The following SLC1A6 variants were observed in gnomAD, a reference collection of about 807,000 sequenced individuals.
The protein encoded by SLC1A6 is excitatory amino acid transporter 4.
A neutral mutation model predicts 42.1 loss-of-function variants in SLC1A6; 15 were observed. The ratio of observed to expected loss-of-function variants is 0.36; its 90% CI spans 0.24 to 0.55. SLC1A6 has a LOEUF of 0.55. Among genes scored for constraint, SLC1A6 ranks in the 20% least tolerant of loss-of-function variants. SLC1A6 has a pLI of 0.88. For synonymous variants in SLC1A6, 317 were observed against 319.7 expected (o/e 0.99, Z 0.09); for missense variants, 542 against 772.5 (o/e 0.70, Z 3.54).
chr19:14,975,004 A>T (rs1259299489), intron 1 of SLC1A6: 2 of 150,950 alleles, frequency 1.3e-5, no homozygotes, highest in Non-Finnish European at 2.9e-5. Flanking sequence ...CACCCACCCT[A>T]AAAAAATTAA....
At chr19:14,954,089 C>A in intron 8 of SLC1A6, 46 bp downstream of exon 8, 1 of 1,406,870 alleles carries the variant, frequency 7.1e-7, no homozygotes, top group Non-Finnish European at 9.8e-7. Context: ...AAGCTGATGA[C>A]CGCTTAAGTC....
In SLC1A6 at chr19:14,963,298, G is replaced by A. The variant is rs974524014; in HGVS notation, c.592-953C>T. Among the ~76,000 whole-genome samples, 6 of 152,302 alleles carry A rather than the reference G, an allele frequency of 3.9e-5. No homozygotes were observed. The South Asian group carries it at 1.0e-3, about 26-fold the overall frequency. ...AATAGAATAGTGCTTACCAGGGACTGGGGAGCAGGGAAATTGGGGAGATGT... is the reference window on the plus strand; with the variant it reads ...AATAGAATAGTGCTTACCAGGGACTAGGGAGCAGGGAAATTGGGGAGATGT... On this transcript the variant is annotated intron_variant, in intron 5 of 9. Coordinates refer to ENST00000594383, the MANE Select transcript of SLC1A6 (RefSeq NM_005071.3).
chr19:14,997,813 A>T (rs1034501809), intron 1 of SLC1A6, among the ~76,000 whole-genome samples: 2 of 152,200 alleles, frequency 1.3e-5, no homozygotes, highest in Non-Finnish European at 1.5e-5. Flanking sequence ...GTCTGAAATC[A>T]AGGTGTTGGT....
chr19:14,956,694 G>A lies in SLC1A6; in HGVS notation c.951C>T (p.Gly317=), dbSNP rs1181441269. The change falls in exon 7 of 10, where the codon GGC becomes GGT. Residue 317 remains glycine, a synonymous_variant. Coordinates refer to ENST00000594383, the MANE Select transcript of SLC1A6 (RefSeq NM_005071.3). ...VGIIIWYAPV[G]ILFLIAGKIL... is the part of the protein sequence containing the mutation. Reference sequence around the variant, plus strand: ...TCTTCCCAGCAATCAGGAACAGGATGCCCACAGGTGCATACCTGTGTGAGG... The same window carrying A: ...TCTTCCCAGCAATCAGGAACAGGATACCCACAGGTGCATACCTGTGTGAGG... 3.1e-6 allele frequency: 5 copies of A among 1,611,466 alleles called. No homozygotes were observed. The highest frequency in any genetic ancestry group is 1.7e-5 in the Admixed American group (1 of 59,920).
At chr19:15,010,198 GAAAGA>G (rs2045919147) in intron 1 of SLC1A6, among the ~76,000 whole-genome samples, 1 of 61,772 alleles carries the variant, frequency 1.6e-5, no homozygotes, top group Admixed American at 2.0e-4. Context: ...AAAAAAAAAA[GAAAGA>G]AAGAAAAAAG....
At chr19:14,968,114 TG>T (rs34489581) in intron 4 of SLC1A6, among the ~76,000 whole-genome samples, 188 bp downstream of exon 4, 51,026 of 151,944 alleles carry the variant, frequency 0.34, 8,775 homozygotes, top group African/African-American at 0.38. Flanking sequence ...TGAATATGCA[TG>T]TTTAGCCAAC....
At chr19:15,009,283 T>TCA (rs1386932771) in intron 1 of SLC1A6, among the ~76,000 whole-genome samples, 70 of 149,992 alleles carry the variant, frequency 4.7e-4, no homozygotes, top group African/African-American at 1.6e-3. Context: ...TCTATAAATA[T>TCA]CATATATATG....
intron 1 of SLC1A6, among the ~76,000 whole-genome samples, chr19:15,007,380 G>A (rs2145246786): frequency 6.6e-6 from 1 of 152,292 alleles, no homozygotes; most frequent in East Asian, 1.9e-4. Flanking sequence ...ACCAGGAGCT[G>A]AGGGGACAGG....
chr19:14,984,939 T>C (rs887007971), intron 1 of SLC1A6, among the ~76,000 whole-genome samples: 1 of 152,192 alleles, frequency 6.6e-6, no homozygotes, highest in Non-Finnish European at 1.5e-5. Context: ...TGGAGTGCAG[T>C]GGTGTGATCT....
chr19:14,973,715 C>G (rs943488223), intron 1 of SLC1A6: 18 of 152,624 alleles, frequency 1.2e-4, no homozygotes, highest in African/African-American at 4.1e-4. Context: ...CAGCTGCATA[C>G]GGAGCCCTAG....
At chr19:14,973,726 A>T (rs1039327217) in intron 1 of SLC1A6, 3 of 152,500 alleles carry the variant, frequency 2.0e-5, no homozygotes, top group African/African-American at 7.2e-5. Context: ...GGAGCCCTAG[A>T]CAAAGCACCC....
chr19:14,958,257 A>C (rs956638352), intron 6 of SLC1A6, among the ~76,000 whole-genome samples: 2 of 152,024 alleles, frequency 1.3e-5, no homozygotes, highest in Non-Finnish European at 2.9e-5. Flanking sequence ...TTAAAAATAA[A>C]AAAATTAGTC....
At chr19:14,988,493 A>T (rs2045803345) in intron 1 of SLC1A6, among the ~76,000 whole-genome samples, 1 of 152,226 alleles carries the variant, frequency 6.6e-6, no homozygotes, top group Non-Finnish European at 1.5e-5. Context: ...ACATTTCTTA[A>T]AAGAAGACAT....
Position 14,956,472 on chromosome 19 carries a change from A to G in SLC1A6, c.1169+4T>C, listed in dbSNP as rs2045464106. The stretch of plus-strand genomic sequence containing the variant: ...TGGTGCTGGGGTGGGGAGCAAGGCC[A>G]TACCTGGAAGACGTGCCCATAGCGG... On this transcript the variant is annotated splice_donor_region_variant and intron_variant, in intron 7 of 9. Coordinates refer to ENST00000594383, the MANE Select transcript of SLC1A6 (RefSeq NM_005071.3). 1.3e-6 allele frequency: 2 copies of G among 1,559,796 alleles called. No homozygotes were observed. Among genetic ancestry groups the G allele is most frequent in the African/African-American group, 1.3e-5 (1 of 74,116 alleles).
intron 1 of SLC1A6, among the ~76,000 whole-genome samples, chr19:14,992,023 A>G (rs181681217): frequency 5.9e-5 from 9 of 152,052 alleles, no homozygotes; most frequent in Non-Finnish European, 7.4e-5. Context: ...ACGGGGTTTC[A>G]CCATGTTGGG....
Position 15,006,278 on chromosome 19 carries a change from T to C in SLC1A6, c.6+4207A>G, listed in dbSNP as rs77106395. On this transcript the variant is annotated intron_variant, in intron 1 of 8. Coordinates refer to the SLC1A6 transcript ENST00000430939. ...GTTAAGTGAATTGCTCGAGATCACGTAGACAGCAAGTGGCAGAATCATAAT... is the reference window on the plus strand; with the variant it reads ...GTTAAGTGAATTGCTCGAGATCACGCAGACAGCAAGTGGCAGAATCATAAT... Among the ~76,000 whole-genome samples, 743 of 152,272 alleles carry C rather than the reference T, an allele frequency of 4.9e-3. 11 individuals are homozygous for C. Among genetic ancestry groups the C allele is most frequent in the African/African-American group, 0.017 (719 of 41,546 alleles).
At chr19:15,010,044 G>C (rs1438916131) in intron 1 of SLC1A6, among the ~76,000 whole-genome samples, 1 of 151,804 alleles carries the variant, frequency 6.6e-6, no homozygotes, top group Admixed American at 6.6e-5. Context: ...AAATTAGCTG[G>C]GCATGGTGGT....
At position 14,972,754 on chromosome 19, in the gene SLC1A6, G is replaced by C. The variant is rs779205790; in HGVS notation, c.157C>G (p.Leu53Val). The C allele has an allele frequency of 5.6e-6, 9 of 1,613,930 alleles. No individual in the cohort carries two copies. Among genetic ancestry groups the C allele is most frequent in the Non-Finnish European group, 7.6e-6 (9 of 1,180,044 alleles). The change falls in exon 2 of 10, where the codon CTG (leucine) becomes GTG (valine). Residue 53 changes from leucine to valine, a missense_variant. This residue lies in a region of SLC1A6 where 88 missense variants were observed against 85.5 expected (regional missense o/e 1.03). Transcript: ENST00000594383. Reference sequence around the variant, plus strand: ...AGCAGAATGAAGGCGTTTCGGCGCAGGAAGCGCAGCACGTGCTCGAGGGTC... The same window carrying C: ...AGCAGAATGAAGGCGTTTCGGCGCACGAAGCGCAGCACGTGCTCGAGGGTC... ...TMTLEHVLRF[L>V]RRNAFILLTV... is the part of the protein sequence containing the mutation.
rs77357940 is a variant in SLC1A6, at chr19:14,971,381, G to A, written c.343+356C>T. The stretch of plus-strand genomic sequence containing the variant: ...CTCACTCACCTTCCACACCTTAATC[G>A]ACACCCCACTCCCTGCACATCCATA... On this transcript the variant is annotated intron_variant, in intron 3 of 9. Transcript: ENST00000594383. Among the ~76,000 whole-genome samples, 4 of 151,938 alleles carry A rather than the reference G, an allele frequency of 2.6e-5. No individual in the cohort carries two copies. The South Asian group carries it at 6.2e-4, about 24-fold the overall frequency.
Sources: allele counts gnomAD v4.1 joint callset (sites outside exome capture counted in the v4.1 genomes callset), GRCh38; gene constraint gnomAD v4.1.1; regional missense constraint gnomAD v4.1.1; transcripts MANE v1.5; gene names NCBI Gene and HGNC (gene_info 2026-07-23, HGNC 2026-07-21).